The following CDHR1 variants were observed in gnomAD, a reference collection of about 807,000 sequenced individuals.
The protein encoded by CDHR1 is cadherin-related family member 1.
CDHR1 carries 61 observed loss-of-function variants against 72.1 expected under a neutral mutation model. The ratio of observed to expected loss-of-function variants is 0.85; its 90% confidence interval spans 0.69 to 1.05. CDHR1 has a LOEUF of 1.05. Among genes scored for constraint, CDHR1 ranks in the 50% least tolerant of loss-of-function variants. CDHR1 has a pLI of 0.00. For missense variants in CDHR1, 1,186 were observed against 1,115.7 expected (o/e 1.06, Z -0.90); for synonymous variants, 470 against 448.1 (o/e 1.05, Z -0.62).
chr10:84,208,578 A>G, intron 11 of CDHR1, 151 bp from the exon 12 acceptor site: 2 of 979,514 alleles, frequency 2.0e-6, no homozygotes, highest in Non-Finnish European at 3.2e-6. Context: ...GCCTAAAGGC[A>G]CTCACAGTCC....
chr10:84,206,004 T>A, intron 10 of CDHR1, 77 bp downstream of exon 10: 1 of 1,068,676 alleles, frequency 9.4e-7, no homozygotes, highest in Non-Finnish European at 1.4e-6. Context: ...ACCCAGGCCC[T>A]TTTTCCTGGG....
chr10:84,208,646 G>C, intron 11 of CDHR1, 83 bp from the exon 12 acceptor site: 2 of 1,381,152 alleles, frequency 1.4e-6, no homozygotes, highest in South Asian at 1.2e-5. Flanking sequence ...CAGGGTTAAG[G>C]GCACGTGAAG....
Position 84,201,909 on chromosome 10 carries a change from G to A in CDHR1, c.628G>A (p.Val210Met), listed in dbSNP as rs774747506. The change falls in exon 7 of 17, where the codon GTG becomes ATG. Residue 210 changes from valine (V) to methionine (M), a missense_variant. By Grantham distance (21) the Val-to-Met change is conservative (BLOSUM62 1). Coordinates refer to ENST00000623527, the MANE Select transcript of CDHR1 (RefSeq NM_033100.4). ...GAGGTCCCGGACCCACTACATCACC[G>A]TGGTCGCCAAGGTAACACAGCAGGA... Reference protein sequence around the residue: ...YERSRTHYITVVAKDGGGRLH... With the variant: ...YERSRTHYITMVAKDGGGRLH... The A allele has an allele frequency of 3.3e-5, 53 of 1,604,612 alleles. No individual in the cohort carries two copies. In the Middle Eastern group the frequency reaches 9.9e-4, roughly 30 times the overall value.
At chr10:84,212,993 C>T (rs1423277239) in intron 15 of CDHR1, 98 bp from the exon 16 acceptor site, 2 of 1,465,584 alleles carry the variant, frequency 1.4e-6, no homozygotes, top group African/African-American at 1.4e-5. Context: ...GGACCATTTC[C>T]CATCAACCCA....
In CDHR1 at chr10:84,210,982, C is replaced by A. The variant is rs2132826989; in HGVS notation, c.1321-19C>A. ...ATGAGTGCCTACCCAGACAAGTCCC[C>A]ATTTTCCCCCCTTCCCAGCTCCTGG... On this transcript the variant is annotated intron_variant, in intron 12 of 16. Coordinates refer to ENST00000623527, the MANE Select transcript of CDHR1 (RefSeq NM_033100.4). 1.2e-6 allele frequency: 2 copies of A among 1,614,158 alleles called. No homozygotes were observed. Among genetic ancestry groups the A allele is most frequent in the Non-Finnish European group, 1.7e-6 (2 of 1,180,004 alleles).
At position 84,214,214 on chromosome 10, in the gene CDHR1, T is replaced by C. The variant is rs751497482; in HGVS notation, c.2173T>C (p.Trp725Arg). 4.3e-6 allele frequency: 7 copies of C among 1,614,166 alleles called. No homozygotes were observed. The highest frequency in any genetic ancestry group is 5.9e-6 in the Non-Finnish European group (7 of 1,180,030). Residue 725 changes from tryptophan to arginine, a missense_variant, in exon 17 of 17, where the codon TGG becomes CGG. Trp to Arg is a moderately radical substitution (Grantham distance 101). Transcript: ENST00000623527. ...ITVLISTATFWRNKKSNKVLP... is the reference protein window; with the variant it reads ...ITVLISTATFRRNKKSNKVLP... ...TGTCCTCATCTCCACCGCCACCTTC[T>C]GGCGCAACAAGAAGTCTAACAAGGT... is the stretch of plus-strand genomic sequence containing the variant.
Position 84,194,682 on chromosome 10 carries a change from C to T in CDHR1, c.-79C>T. On this transcript the variant is annotated 5_prime_UTR_variant, in exon 1 of 17. Transcript: ENST00000623527. ...CTACCCCCATTGTGGTCTCTGCCCT[C>T]CCCGCGGGCCCAGGGCATGCTCCGT... The T allele has an allele frequency of 4.9e-6, 6 of 1,236,050 alleles. No homozygotes were observed. Among genetic ancestry groups the T allele is most frequent in the Non-Finnish European group, 6.4e-6 (6 of 942,118 alleles). The allele number at this position is 1,236,050 out of a possible 1,614,324, so 76.6% of individuals were successfully genotyped here. A position where few individuals can be genotyped will look rare whatever the true frequency, so the allele number is the denominator to read the frequency against.
intron 2 of CDHR1, among the ~76,000 whole-genome samples, chr10:84,196,083 G>C (rs139477524): frequency 1.3e-5 from 2 of 152,172 alleles, no homozygotes; most frequent in African/African-American, 4.8e-5. Flanking sequence ...TCCAGGCATC[G>C]GGGACAGTGG....
Position 84,202,999 on chromosome 10 carries a change from A to C in CDHR1, c.659A>C (p.His220Pro). ...VVAKDGGGRL[H>P]GADVVFSATT... Reference sequence around the variant, plus strand: ...CTGCAGGATGGCGGTGGGAGGCTTCATGGGGCTGATGTGGTGTTCTCAGCC... The same window carrying C: ...CTGCAGGATGGCGGTGGGAGGCTTCCTGGGGCTGATGTGGTGTTCTCAGCC... Residue 220 changes from histidine to proline, a missense_variant, in exon 8 of 17, where the codon CAT becomes CCT. Transcript: ENST00000623527. The C allele has an allele frequency of 6.2e-7, 1 of 1,614,036 alleles. No individual in the cohort carries two copies. The highest frequency in any genetic ancestry group is 2.2e-5 in the East Asian group (1 of 44,896).
chr10:84,217,600 C>T lies in CDHR1; in HGVS notation c.*2979C>T, dbSNP rs1212903900. 1.9e-5 allele frequency: 19 copies of T among 985,218 alleles called. No homozygotes were observed. The East Asian group carries it at 1.1e-3, about 59-fold the overall frequency. The allele number at this position is 985,218 out of a possible 1,614,324, so 61.0% of individuals were successfully genotyped here. ...CTAATATATGTAAAGTGCCTAGCAC[C>T]GGCTTTGTATCTACTTACACAAGCT... On this transcript the variant is annotated 3_prime_UTR_variant, in exon 17 of 17. Coordinates refer to ENST00000623527, the MANE Select transcript of CDHR1 (RefSeq NM_033100.4).
At chr10:84,199,253 C>A in intron 5 of CDHR1, 132 bp downstream of exon 5, 1 of 739,956 alleles carries the variant, frequency 1.4e-6, no homozygotes, top group Non-Finnish European at 2.4e-6. Flanking sequence ...CTCCCTCCAA[C>A]ATTCGCTTTT....
chr10:84,201,830 G>A lies in CDHR1; in HGVS notation c.549G>A (p.Val183=). ...AGAACCTGCACTCCCCATTTGCCGT[G>A]GACCGCCACAGCGGTGTGCTGCGCC... ...FLQNLHSPFA[V]DRHSGVLRLQ... The change falls in exon 7 of 17, where the codon GTG becomes GTA. Residue 183 remains valine, a synonymous_variant. Coordinates refer to ENST00000623527, the MANE Select transcript of CDHR1 (RefSeq NM_033100.4). 6.2e-7 allele frequency: 1 copy of A among 1,610,436 alleles called. No homozygotes were observed. The highest frequency in any genetic ancestry group is 8.5e-7 in the Non-Finnish European group (1 of 1,179,988).
Position 84,217,391 on chromosome 10 carries a change from T to C in CDHR1, c.*2770T>C. ...ATACTCTGCAGAGTCATTTTCCTCC[T>C]GCGGCTGAGCTCAGATCTTCCAATC... is the stretch of plus-strand genomic sequence containing the variant. On this transcript the variant is annotated 3_prime_UTR_variant, in exon 17 of 17. Coordinates refer to ENST00000623527, the MANE Select transcript of CDHR1 (RefSeq NM_033100.4). 1 of 985,466 alleles carries C rather than the reference T, an allele frequency of 1.0e-6. No individual in the cohort carries two copies. Among genetic ancestry groups the C allele is most frequent in the Non-Finnish European group, 1.2e-6 (1 of 829,940 alleles). 61.0% of individuals were successfully genotyped at this position (985,466 alleles called of 1,614,324 possible).
rs33921515 is a variant in CDHR1, at chr10:84,205,514, TCACA to T, written c.863-285_863-282del. Among the ~76,000 whole-genome samples the T allele has an allele frequency of 1.3e-3, 189 of 145,106 alleles. 2 individuals carry two copies. Among genetic ancestry groups the T allele is most frequent in the South Asian group, 2.7e-3 (12 of 4,378 alleles). Reference sequence around the variant, plus strand: ...TCCTCCTGCTTCCTTTCTCTTTTCTTCACACACACACACACACACACACACACAC... The same window carrying T: ...TCCTCCTGCTTCCTTTCTCTTTTCTTCACACACACACACACACACACACAC... On this transcript the variant is annotated intron_variant, in intron 9 of 16. Coordinates refer to ENST00000623527, the MANE Select transcript of CDHR1 (RefSeq NM_033100.4).
rs1842396635 is a variant in CDHR1, at chr10:84,214,526, C to T, written c.2485C>T (p.Pro829Ser). 6.2e-7 allele frequency: 1 copy of T among 1,603,900 alleles called. No individual in the cohort carries two copies. The highest frequency in any genetic ancestry group is 8.5e-7 in the Non-Finnish European group (1 of 1,179,842). ...GCAGCCGACCCAACCCCCGCCAAAA[C>T]CCAAAACTATGGGAAGCCCCGTCCA... is the stretch of plus-strand genomic sequence containing the variant. ...TPQPTQPPPK[P>S]KTMGSPVQST... The change falls in exon 17 of 17, where the codon CCC becomes TCC. Residue 829 changes from proline to serine, a missense_variant. Pro to Ser is a moderately conservative substitution (Grantham distance 74, BLOSUM62 -1). Coordinates refer to ENST00000623527, the MANE Select transcript of CDHR1 (RefSeq NM_033100.4).
chr10:84,204,015 G>A (rs1842178772), intron 8 of CDHR1, among the ~76,000 whole-genome samples: 1 of 152,126 alleles, frequency 6.6e-6, no homozygotes, highest in Admixed American at 6.5e-5. Flanking sequence ...CAGAAGTCAA[G>A]CAAGACTTAT....
chr10:84,213,320 T>C lies in CDHR1; in HGVS notation c.2012T>C (p.Leu671Ser). 5.6e-6 allele frequency: 9 copies of C among 1,614,202 alleles called. No individual in the cohort carries two copies. The highest frequency in any genetic ancestry group is 7.6e-6 in the Non-Finnish European group (9 of 1,180,044). The change falls in exon 16 of 17, where the codon TTA becomes TCA. Residue 671 changes from leucine to serine, a missense_variant. By Grantham distance (145) the Leu-to-Ser change is moderately radical (BLOSUM62 -2). Transcript: ENST00000623527. ...RGSPSFSTTALLKIDITDAET... is the reference protein window; with the variant it reads ...RGSPSFSTTASLKIDITDAET... Reference sequence around the variant, plus strand: ...TCCCCATCCTTCAGCACCACAGCCTTACTCAAGATTGACATCACAGATGCT... The same window carrying C: ...TCCCCATCCTTCAGCACCACAGCCTCACTCAAGATTGACATCACAGATGCT...
Position 84,199,131 on chromosome 10 carries a change from G to A in CDHR1, c.438+10G>A. Reference sequence around the variant, plus strand: ...TGCCCTGGTTCCCGAGGTAAGTGAGGAGCTGCTAGAGGGGCTGATTTTCCC... The same window carrying A: ...TGCCCTGGTTCCCGAGGTAAGTGAGAAGCTGCTAGAGGGGCTGATTTTCCC... On this transcript the variant is annotated intron_variant, in intron 5 of 16. Transcript: ENST00000623527. The A allele has an allele frequency of 4.5e-6, 7 of 1,549,550 alleles. No individual in the cohort carries two copies. Among genetic ancestry groups the A allele is most frequent in the South Asian group, 1.2e-5 (1 of 84,000 alleles).
intron 3 of CDHR1, 59 bp from the exon 4 acceptor site, chr10:84,197,724 GCCA>G: frequency 6.7e-7 from 1 of 1,500,294 alleles, no homozygotes; most frequent in Non-Finnish European, 9.3e-7. Flanking sequence ...GCTCCATCCA[GCCA>G]CAGGGGTCCT....
Sources: gnomAD v4.1 joint callset for allele counts (sites outside exome capture counted in the v4.1 genomes callset) on GRCh38, gnomAD v4.1.1 for gene constraint, MANE v1.5 for transcripts, NCBI Gene and HGNC (gene_info 2026-07-23, HGNC 2026-07-21) for gene names.